The following MRPS22 variants were observed in gnomAD, a reference collection of about 807,000 sequenced individuals.
MRPS22 encodes the protein small ribosomal subunit protein mS22.
In MRPS22, 30 loss-of-function variants were observed where a neutral mutation model predicts 44.0. The observed-to-expected ratio is 0.68, with a 90% CI of 0.51 to 0.93. The LOEUF is 0.93. MRPS22 is among the 40% of genes least tolerant of loss of function. MRPS22 has a pLI of 0.00. For synonymous variants in MRPS22, 165 were observed against 154.4 expected (o/e 1.07, Z -0.51); for missense variants, 447 against 447.8 (o/e 1.00, Z 0.02).
At chr3:139,354,805 G>A (rs559458609) in intron 6 of MRPS22, among the ~76,000 whole-genome samples, 1 of 152,292 alleles carries the variant, frequency 6.6e-6, no homozygotes, top group African/African-American at 2.4e-5. Context: ...CTGGAAGCCA[G>A]TAGTTCACTT....
Position 139,350,183 on chromosome 3 carries a change from G to A in MRPS22, c.509G>A (p.Arg170His), listed in dbSNP as rs119478059. 1.4e-4 allele frequency: 234 copies of A among 1,613,936 alleles called. No homozygotes were observed. The highest frequency in any genetic ancestry group is 1.8e-4 in the Non-Finnish European group (213 of 1,179,988). Residue 170 changes from arginine (R) to histidine (H), a missense_variant, in exon 4 of 8, where the codon CGT (arginine) becomes CAT (histidine). Coordinates refer to ENST00000680020, the MANE Select transcript of MRPS22 (RefSeq NM_020191.4). ...GATTATGTTTTTCTATTTTAGGAGC[G>A]TTTTATTGTCGTCAGAGAACCAAGT... ...DISYSIPHRE[R>H]FIVVREPSGT...
intron 5 of MRPS22, chr3:139,352,215 G>A (rs567170945): frequency 3.8e-5 from 7 of 183,086 alleles, no homozygotes; most frequent in South Asian, 2.4e-4. Context: ...TTTGCTTCAG[G>A]CTGCCACATA....
At chr3:139,349,031 C>T (rs1197834408) in intron 3 of MRPS22, 3 of 275,232 alleles carry the variant, frequency 1.1e-5, no homozygotes, top group African/African-American at 6.8e-5. Flanking sequence ...AGGTTCACTC[C>T]ATATTAATCT....
intron 1 of MRPS22, 176 bp from the exon 2 acceptor site, chr3:139,346,702 G>A (rs2107787160): frequency 3.1e-6 from 2 of 653,228 alleles, no homozygotes; most frequent in Non-Finnish European, 5.4e-6. Flanking sequence ...ATCATAATGA[G>A]TGCTCAGTAA....
Position 139,347,107 on chromosome 3 carries a change from A to G in MRPS22, c.339+63A>G. Reference sequence around the variant, plus strand: ...TTAAGGGTTTAAACAACATTTCTAGAGGCCCCTCCAGATGCTTATAGCTAT... The same window carrying G: ...TTAAGGGTTTAAACAACATTTCTAGGGGCCCCTCCAGATGCTTATAGCTAT... On this transcript the variant is annotated intron_variant, in intron 2 of 7. Transcript: ENST00000680020. The G allele has an allele frequency of 2.6e-6, 4 of 1,552,968 alleles. No homozygotes were observed. The South Asian group carries it at 4.5e-5, about 17-fold the overall frequency.
At chr3:139,349,249 A>T (rs1337189669) in intron 3 of MRPS22, 1 of 433,624 alleles carries the variant, frequency 2.3e-6, no homozygotes, top group African/African-American at 2.1e-5. Context: ...CTTGGAATTC[A>T]GGTTTCTCAA....
At chr3:139,348,827 C>T (rs1941093095) in intron 3 of MRPS22, among the ~76,000 whole-genome samples, 1 of 152,218 alleles carries the variant, frequency 6.6e-6, no homozygotes, top group East Asian at 1.9e-4. Context: ...TTTCAGGCAT[C>T]ACCACTTCTT....
chr3:139,351,198 G>C (rs1941144862), intron 5 of MRPS22, 138 bp downstream of exon 5: 1 of 688,784 alleles, frequency 1.5e-6, no homozygotes, highest in South Asian at 1.5e-5. Flanking sequence ...ATTGAGTACA[G>C]TTGTGTGCCA....
intron 2 of MRPS22, among the ~76,000 whole-genome samples, 178 bp downstream of exon 2, chr3:139,347,222 G>T (rs1941055477): frequency 6.6e-6 from 1 of 152,178 alleles, no homozygotes; most frequent in Non-Finnish European, 1.5e-5. Flanking sequence ...AGGGAGCATG[G>T]CTGGAATTGA....
rs781487118 is a variant in MRPS22 at position 139,350,363 on chromosome 3, T to C, written c.648+41T>C. On this transcript the variant is annotated intron_variant, in intron 4 of 7. Coordinates refer to ENST00000680020, the MANE Select transcript of MRPS22 (RefSeq NM_020191.4). ...TTTTATGTTTTAGAGCCAGTGGTGA[T>C]GATTTATTTGTAGAACCAGTTGGCT... 1.6e-5 allele frequency: 26 copies of C among 1,608,962 alleles called. No individual in the cohort carries two copies. The Admixed American group carries it at 4.2e-4, about 26-fold the overall frequency.
chr3:139,353,376 A>G (rs949771003), intron 6 of MRPS22, among the ~76,000 whole-genome samples: 2 of 152,184 alleles, frequency 1.3e-5, no homozygotes, highest in African/African-American at 4.8e-5. Context: ...CTGAAGAGAA[A>G]ATAGTTTTTG....
intron 5 of MRPS22, chr3:139,351,459 T>A (rs1941150230): frequency 3.1e-6 from 1 of 322,122 alleles, no homozygotes; most frequent in Admixed American, 4.4e-5. Context: ...GTGTAAGGTA[T>A]TATCTTGGGT....
At chr3:139,347,424 G>A (rs762704592) in intron 2 of MRPS22, among the ~76,000 whole-genome samples, 25 of 152,110 alleles carry the variant, frequency 1.6e-4, no homozygotes, top group Non-Finnish European at 2.5e-4. Context: ...ATGTTTTCCA[G>A]GCACCAGTGT....
chr3:139,355,636 C>A, intron 6 of MRPS22, 46 bp from the exon 7 acceptor site: 3 of 1,460,980 alleles, frequency 2.1e-6, no homozygotes, highest in South Asian at 1.1e-5. Flanking sequence ...GACTGTGAAT[C>A]AAATGAAGAA....
chr3:139,352,338 A>T (rs959896405), intron 5 of MRPS22: 7 of 280,180 alleles, frequency 2.5e-5, no homozygotes, highest in African/African-American at 1.1e-4. Context: ...CTAATTTTTT[A>T]AAAAATTTTC....
intron 2 of MRPS22, among the ~76,000 whole-genome samples, chr3:139,347,325 C>T (rs150472548): frequency 2.6e-4 from 40 of 152,236 alleles, no homozygotes; most frequent in African/African-American, 8.9e-4. Context: ...TTTCTGCCTG[C>T]TCCAGCTTCC....
chr3:139,352,349 C>T, intron 5 of MRPS22: 1 of 283,304 alleles, frequency 3.5e-6, no homozygotes. Context: ...AAAAATTTTC[C>T]TAGAGATGAG....
chr3:139,350,638 G>C, intron 4 of MRPS22: 1 of 418,456 alleles, frequency 2.4e-6, no homozygotes, highest in Admixed American at 3.7e-5. Flanking sequence ...ATGTTGGCCA[G>C]GCTGGTCTTG....
At chr3:139,354,130 T>G (rs1941201713) in intron 6 of MRPS22, among the ~76,000 whole-genome samples, 1 of 152,200 alleles carries the variant, frequency 6.6e-6, no homozygotes, top group South Asian at 2.1e-4. Context: ...AAGAGTGAGC[T>G]TACTGCAAAC....
Sources: allele counts gnomAD v4.1 joint callset (sites outside exome capture counted in the v4.1 genomes callset), GRCh38; gene constraint gnomAD v4.1.1; transcripts MANE v1.5; gene names NCBI Gene and HGNC (gene_info 2026-07-23, HGNC 2026-07-21).